Variants in CDH4 observed in about 807,000 individuals in gnomAD.
The protein encoded by CDH4 is cadherin-4.
In CDH4, 33 loss-of-function variants were observed where a neutral mutation model predicts 86.0. The observed-to-expected ratio is 0.38, with a 90% CI of 0.29 to 0.51. The LOEUF is 0.51. Among genes scored for constraint, CDH4 ranks in the 20% least tolerant of loss-of-function variants. The pLI is 0.86. For synonymous variants in CDH4, 555 were observed against 549.4 expected (o/e 1.01, Z -0.14); for missense variants, 1,114 against 1,307.4 (o/e 0.85, Z 2.28).
intron 2 of CDH4, among the ~76,000 whole-genome samples, chr20:61,343,298 A>C (rs2084658599): frequency 6.6e-6 from 1 of 152,276 alleles, no homozygotes; most frequent in Admixed American, 6.5e-5. Flanking sequence ...ATTGTGACTT[A>C]AGGTAAAAGA....
chr20:61,400,799 C>T (rs1362637370), intron 2 of CDH4, among the ~76,000 whole-genome samples: 1 of 152,212 alleles, frequency 6.6e-6, no homozygotes, highest in Non-Finnish European at 1.5e-5. Context: ...TCCGCTGGTA[C>T]CATCACCTCC....
chr20:61,609,150 C>A (rs1019296954), intron 2 of CDH4, among the ~76,000 whole-genome samples: 1 of 152,180 alleles, frequency 6.6e-6, no homozygotes, highest in Non-Finnish European at 1.5e-5. Flanking sequence ...TGCAATCAAG[C>A]CATTATAGGA....
chr20:61,895,463 C>T (rs1432631578), intron 8 of CDH4, among the ~76,000 whole-genome samples: 6 of 152,182 alleles, frequency 3.9e-5, no homozygotes, highest in Non-Finnish European at 8.8e-5. Flanking sequence ...GGCCTGCTGT[C>T]GGCAGAAAGG....
chr20:61,284,679 A>G (rs1270673700), intron 2 of CDH4, among the ~76,000 whole-genome samples: 1 of 152,244 alleles, frequency 6.6e-6, no homozygotes, highest in Admixed American at 6.5e-5. Flanking sequence ...GTTTTATCCA[A>G]GGATCATTAG....
At chr20:61,863,951 GTGGAC>G (rs11204449) in intron 6 of CDH4, among the ~76,000 whole-genome samples, 136,368 of 152,012 alleles carry the variant, frequency 0.9, 62,966 homozygotes, top group East Asian at 1. Flanking sequence ...CCTTGGGCGG[GTGGAC>G]TGGAGCCCTG....
intron 2 of CDH4, among the ~76,000 whole-genome samples, chr20:61,402,948 A>G (rs1210172028): frequency 6.6e-6 from 1 of 152,206 alleles, no homozygotes; most frequent in Non-Finnish European, 1.5e-5. Context: ...AATCCACCCA[A>G]CAAAAAGGCT....
At chr20:61,918,220 C>A (rs566000701) in intron 9 of CDH4, among the ~76,000 whole-genome samples, 42 of 152,338 alleles carry the variant, frequency 2.8e-4, no homozygotes, top group African/African-American at 9.9e-4. Context: ...GTACCTGAGA[C>A]CCCTGGTAGA....
At chr20:61,742,408 A>C (rs553235976) in intron 2 of CDH4, among the ~76,000 whole-genome samples, 1 of 152,360 alleles carries the variant, frequency 6.6e-6, no homozygotes, top group East Asian at 1.9e-4. Flanking sequence ...GAGGGAACAG[A>C]CACGTTATTT....
chr20:61,516,960 TG>T lies in CDH4; in HGVS notation c.170-226600del, dbSNP rs1280864923. Among the ~76,000 whole-genome samples the T allele has an allele frequency of 6.6e-6, 1 of 152,170 alleles. No homozygotes were observed. Among genetic ancestry groups the T allele is most frequent in the Non-Finnish European group, 1.5e-5 (1 of 68,030 alleles). On this transcript the variant is annotated intron_variant, in intron 2 of 15. Transcript: ENST00000614565. This position sits in a 1 kb window ranked among gnomAD's most constrained non-coding sequence, Gnocchi z 4.0. ...GTAACATGGGGTGTTTTCAATGTAT[TG>T]GGATGTCATGCACGCCCTGAAAAAT... is the stretch of plus-strand genomic sequence containing the variant.
chr20:61,316,608 G>A (rs1460980528), intron 2 of CDH4, among the ~76,000 whole-genome samples: 2 of 152,216 alleles, frequency 1.3e-5, no homozygotes, highest in African/African-American at 2.4e-5. Context: ...GCTTTTCAGC[G>A]CAATTAATTT....
At chr20:61,365,392 G>A (rs1346776342) in intron 2 of CDH4, among the ~76,000 whole-genome samples, 6 of 152,264 alleles carry the variant, frequency 3.9e-5, no homozygotes, top group East Asian at 1.9e-4. Context: ...GGTCCATCAC[G>A]GGAGGGACGG....
At chr20:61,792,970 T>TTTTTG (rs1400775878) in intron 4 of CDH4, among the ~76,000 whole-genome samples, 2 of 148,736 alleles carry the variant, frequency 1.3e-5, no homozygotes, top group South Asian at 2.1e-4. Context: ...TTTGTTTTTG[T>TTTTTG]TTTTGTTTTT....
rs576232511 is a variant in CDH4, at chr20:61,487,188, G to A, written c.169+232251G>A. On this transcript the variant is annotated intron_variant, in intron 2 of 15. Transcript: ENST00000614565. ...ATGTCCAGTTGTTTCAGCACCATTTGTGAAAAAGATAATGCTTTCTCCATT... is the reference window on the plus strand; with the variant it reads ...ATGTCCAGTTGTTTCAGCACCATTTATGAAAAAGATAATGCTTTCTCCATT... Among the ~76,000 whole-genome samples, 8 of 152,300 alleles carry A rather than the reference G, an allele frequency of 5.3e-5. 1 individual carries two copies. The South Asian group carries it at 1.7e-3, about 32-fold the overall frequency.
At chr20:61,495,763 C>T (rs2085657174) in intron 2 of CDH4, among the ~76,000 whole-genome samples, 1 of 151,878 alleles carries the variant, frequency 6.6e-6, no homozygotes, top group Admixed American at 6.6e-5. Context: ...ATTAGCTGGG[C>T]ATGGTTGCAA....
intron 6 of CDH4, among the ~76,000 whole-genome samples, chr20:61,871,108 T>G (rs1983787281): frequency 6.6e-6 from 1 of 151,916 alleles, no homozygotes; most frequent in African/African-American, 2.4e-5. Context: ...CCTCATATCT[T>G]TCTGCATTTC....
intron 2 of CDH4, chr20:61,740,357 T>C (rs529936794): frequency 2.0e-5 from 3 of 152,350 alleles, no homozygotes; most frequent in East Asian, 3.9e-4. Flanking sequence ...AAAGTGTTAG[T>C]AACATTCTGG....
chr20:61,771,723 TGTCA>T (rs1568806483), intron 3 of CDH4, among the ~76,000 whole-genome samples: 1 of 152,202 alleles, frequency 6.6e-6, no homozygotes, highest in Non-Finnish European at 1.5e-5. Context: ...CATTTCTTCA[TGTCA>T]GTCTTAAAAG....
chr20:61,522,814 G>A (rs1157904623), intron 2 of CDH4, among the ~76,000 whole-genome samples: 1 of 152,198 alleles, frequency 6.6e-6, no homozygotes, highest in Admixed American at 6.5e-5. Context: ...CTCTCCCTTC[G>A]GTTTTTTATT....
chr20:61,511,598 T>G (rs760759756), intron 2 of CDH4, among the ~76,000 whole-genome samples: 53 of 152,250 alleles, frequency 3.5e-4, no homozygotes, highest in Non-Finnish European at 6.0e-4. Flanking sequence ...TATAGCATTT[T>G]ACAAATATGC....
Sources: allele counts gnomAD v4.1 joint callset (sites outside exome capture counted in the v4.1 genomes callset), GRCh38; gene constraint gnomAD v4.1.1; non-coding constraint Gnocchi (gnomAD v3.1); transcripts MANE v1.5; gene names NCBI Gene and HGNC (gene_info 2026-07-23, HGNC 2026-07-21).